Variants in PRMT3 observed in about 807,000 individuals in gnomAD.
PRMT3 encodes the protein protein arginine methyltransferase 3.
A neutral mutation model predicts 71.9 loss-of-function variants in PRMT3; 62 were observed. The observed-to-expected ratio is 0.86, with a 90% CI of 0.70 to 1.07. The LOEUF is 1.07. Among genes scored for constraint, PRMT3 ranks in the 50% least tolerant of loss-of-function variants. PRMT3 has a pLI of 0.00. For missense variants in PRMT3, 663 were observed against 643.0 expected (o/e 1.03, Z -0.34); for synonymous variants, 213 against 220.4 (o/e 0.97, Z 0.30).
chr11:20,455,505 T>C (rs923110625), intron 11 of PRMT3, among the ~76,000 whole-genome samples: 4 of 152,106 alleles, frequency 2.6e-5, no homozygotes, highest in African/African-American at 7.2e-5. Context: ...CATGCAAATA[T>C]ATACCAAAAA....
chr11:20,465,842 T>C (rs1008050033), intron 13 of PRMT3, among the ~76,000 whole-genome samples: 15 of 152,154 alleles, frequency 9.9e-5, no homozygotes, highest in Non-Finnish European at 2.2e-4. Context: ...TTTTTGTCAA[T>C]TGAAATTAGG....
chr11:20,402,335 T>C (rs1208608604), intron 7 of PRMT3, among the ~76,000 whole-genome samples: 3 of 152,174 alleles, frequency 2.0e-5, no homozygotes, highest in African/African-American at 7.2e-5. Context: ...GTCAGGCTGG[T>C]CTCGAACTCC....
chr11:20,473,221 C>CT (rs1454106038), intron 13 of PRMT3, among the ~76,000 whole-genome samples: 1 of 151,892 alleles, frequency 6.6e-6, no homozygotes, highest in East Asian at 1.9e-4. Flanking sequence ...TTTTGTGTCT[C>CT]TATCTTCTTC....
Position 20,402,958 on chromosome 11 carries a change from CA to C in PRMT3, c.749del (p.Asn250IlefsTer9). The stretch of plus-strand genomic sequence containing the variant: ...AGAAAGCTACCGAGATTTCATATAC[CA>C]AAATCCACATATCTTCAAAGACAAG... ...RTESYRDFIY[Q>X]NPHIFKDKVV... On this transcript the variant is annotated frameshift_variant, in exon 8 of 16. Coordinates refer to ENST00000331079, the MANE Select transcript of PRMT3 (RefSeq NM_005788.4). LOFTEE classifies it high-confidence loss of function. 6.2e-7 allele frequency: 1 copy of C among 1,606,410 alleles called. No individual in the cohort carries two copies. The highest frequency in any genetic ancestry group is 1.1e-5 in the South Asian group (1 of 90,862).
At chr11:20,416,696 T>C (rs188981892) in intron 9 of PRMT3, among the ~76,000 whole-genome samples, 1 of 152,274 alleles carries the variant, frequency 6.6e-6, no homozygotes, top group East Asian at 1.9e-4. Flanking sequence ...TTTCGAACAA[T>C]AAATGTCCTC....
At chr11:20,404,523 C>T (rs983086796) in intron 8 of PRMT3, among the ~76,000 whole-genome samples, 5 of 151,980 alleles carry the variant, frequency 3.3e-5, no homozygotes, top group Admixed American at 6.6e-5. Flanking sequence ...TGAGCCACCA[C>T]GCCGGCCCTT....
At chr11:20,436,430 T>C (rs1468266355) in intron 10 of PRMT3, among the ~76,000 whole-genome samples, 1 of 152,200 alleles carries the variant, frequency 6.6e-6, no homozygotes, top group Admixed American at 6.5e-5. Flanking sequence ...GGGTTTGTCA[T>C]TGATGGCCTG....
intron 9 of PRMT3, among the ~76,000 whole-genome samples, chr11:20,422,541 A>C (rs572886760): frequency 6.6e-6 from 1 of 152,140 alleles, no homozygotes; most frequent in Non-Finnish European, 1.5e-5. Flanking sequence ...ATTTTTCACT[A>C]TCTTCCCCTC....
At chr11:20,481,755 G>T (rs867335468) in intron 13 of PRMT3, among the ~76,000 whole-genome samples, 8 of 152,056 alleles carry the variant, frequency 5.3e-5, no homozygotes, top group Admixed American at 3.3e-4. Context: ...TGCACCTTAT[G>T]CATTGCTCTC....
At position 20,508,511 on chromosome 11, in the gene PRMT3, T is replaced by C. The variant is rs1197927321; in HGVS notation, c.*98T>C. 1.2e-6 allele frequency: 1 copy of C among 823,592 alleles called. No homozygotes were observed. The highest frequency in any genetic ancestry group is 2.5e-5 in the East Asian group (1 of 40,056). 51.0% of individuals were successfully genotyped at this position (823,592 alleles called of 1,614,324 possible). On this transcript the variant is annotated 3_prime_UTR_variant, in exon 16 of 16. Transcript: ENST00000331079. Reference sequence around the variant, plus strand: ...TTTATGTGAGCAGATGGATGGATGATGGACCCTTTCCTAATGAGCCTCCTC... The same window carrying C: ...TTTATGTGAGCAGATGGATGGATGACGGACCCTTTCCTAATGAGCCTCCTC...
chr11:20,428,960 A>C (rs971519111), intron 10 of PRMT3, among the ~76,000 whole-genome samples: 1 of 152,168 alleles, frequency 6.6e-6, no homozygotes, highest in Non-Finnish European at 1.5e-5. Context: ...GTAGCCTAGG[A>C]ATGCTAGTTA....
rs561558766 is a variant in PRMT3 at position 20,416,410 on chromosome 11, T to G, written c.893+8378T>G. ...ATGAAATTCATAGGAATGTAAACTT[T>G]ACTAAAATATCAGCTCCCCGTGGTG... is the stretch of plus-strand genomic sequence containing the variant. On this transcript the variant is annotated intron_variant, in intron 9 of 15. Coordinates refer to ENST00000331079, the MANE Select transcript of PRMT3 (RefSeq NM_005788.4). Among the ~76,000 whole-genome samples, 12 of 152,330 alleles carry G rather than the reference T, an allele frequency of 7.9e-5. No homozygotes were observed. The South Asian group carries it at 2.5e-3, about 32-fold the overall frequency.
At chr11:20,465,224 A>G (rs1257888934) in intron 13 of PRMT3, among the ~76,000 whole-genome samples, 1 of 152,080 alleles carries the variant, frequency 6.6e-6, no homozygotes, top group Non-Finnish European at 1.5e-5. Flanking sequence ...TTATTAAAAT[A>G]TAAAAAATTT....
At chr11:20,395,984 A>G in intron 6 of PRMT3, 22 bp downstream of exon 6, 1 of 1,610,632 alleles carries the variant, frequency 6.2e-7, no homozygotes, top group Non-Finnish European at 8.5e-7. Flanking sequence ...ATCTTGCAAA[A>G]TTAATTGTTT....
chr11:20,449,798 TTTTA>T (rs1242381019), intron 10 of PRMT3, among the ~76,000 whole-genome samples: 3 of 152,128 alleles, frequency 2.0e-5, no homozygotes, highest in Non-Finnish European at 4.4e-5. Flanking sequence ...TATTAATAAC[TTTTA>T]TTTATTCATT....
intron 10 of PRMT3, among the ~76,000 whole-genome samples, chr11:20,447,642 C>T (rs915409779): frequency 6.6e-6 from 1 of 152,044 alleles, no homozygotes; most frequent in Admixed American, 6.6e-5. Context: ...AATCAACCTG[C>T]ATTTAACTAA....
intron 15 of PRMT3, 81 bp downstream of exon 15, chr11:20,494,335 G>T: frequency 2.5e-6 from 3 of 1,192,674 alleles, no homozygotes; most frequent in Non-Finnish European, 3.7e-6. Context: ...CACTTTTTAT[G>T]TGCACACTAT....
intron 5 of PRMT3, among the ~76,000 whole-genome samples, chr11:20,395,572 T>C (rs1272876517): frequency 6.6e-6 from 1 of 151,924 alleles, no homozygotes; most frequent in Non-Finnish European, 1.5e-5. Context: ...AGGCTGGTCT[T>C]GAACTGTTGG....
intron 15 of PRMT3, among the ~76,000 whole-genome samples, chr11:20,504,713 A>T (rs796888868): frequency 0.21 from 17,813 of 84,902 alleles, 1,380 homozygotes; most frequent in East Asian, 0.31. Flanking sequence ...TGTGTGAGAG[A>T]GAGAGAGAGA....
Sources: allele counts gnomAD v4.1 joint callset (sites outside exome capture counted in the v4.1 genomes callset), GRCh38; gene constraint gnomAD v4.1.1; transcripts MANE v1.5; gene names NCBI Gene and HGNC (gene_info 2026-07-23, HGNC 2026-07-21).